CDIN1: variants seen among roughly 807,000 people sequenced by gnomAD.
The protein encoded by CDIN1 is CDAN1-interacting nuclease 1.
CDIN1 carries 33 observed loss-of-function variants against 45.3 expected under a neutral mutation model. The observed-to-expected ratio is 0.73, with a 90% CI of 0.55 to 0.97. The LOEUF (loss-of-function observed/expected upper bound fraction) is 0.97. Among genes scored for constraint, CDIN1 ranks in the 50% least tolerant of loss-of-function variants. The probability of loss-of-function intolerance (pLI) is 0.00; values close to 1 mark genes in which losing one functional copy is unlikely to be tolerated. For missense variants in CDIN1, 303 were observed against 339.4 expected (o/e 0.89, Z 0.84); for synonymous variants, 118 against 124.4 (o/e 0.95, Z 0.34).
chr15:36,790,763 G>GA (rs1170859795), intron 10 of CDIN1, among the ~76,000 whole-genome samples: 2 of 152,252 alleles, frequency 1.3e-5, no homozygotes, highest in Admixed American at 6.5e-5. Flanking sequence ...TTCCCTGGGA[G>GA]AAAAAACATA....
chr15:36,592,923 T>C (rs1457758995), intron 1 of CDIN1, among the ~76,000 whole-genome samples: 2 of 152,218 alleles, frequency 1.3e-5, no homozygotes, highest in Non-Finnish European at 2.9e-5. Flanking sequence ...CAGAAATTAT[T>C]TCTAGAAAAA....
chr15:36,805,089 G>A (rs192938376), intron 10 of CDIN1, among the ~76,000 whole-genome samples: 5 of 152,082 alleles, frequency 3.3e-5, no homozygotes, highest in Admixed American at 2.0e-4. Flanking sequence ...TTTTCAAGGC[G>A]TATTTGTTGT....
intron 10 of CDIN1, among the ~76,000 whole-genome samples, chr15:36,774,114 C>A (rs563424726): frequency 6.7e-6 from 1 of 149,178 alleles, no homozygotes; most frequent in South Asian, 2.1e-4. Context: ...CAGGCACCTG[C>A]CGGCAAGTAA....
intron 10 of CDIN1, among the ~76,000 whole-genome samples, chr15:36,804,163 G>GATAT (rs146634218): frequency 0.029 from 4,457 of 152,208 alleles, 223 homozygotes; most frequent in African/African-American, 0.1. Flanking sequence ...TAAGTGGTTC[G>GATAT]ATATATATAA....
chr15:36,746,962 C>T, intron 10 of CDIN1: 1 of 398,198 alleles, frequency 2.5e-6, no homozygotes, highest in Non-Finnish European at 4.4e-6. Context: ...GTTCCTCAGG[C>T]TGGTGTGGAA....
chr15:36,786,096 A>G (rs554480933), intron 10 of CDIN1, among the ~76,000 whole-genome samples: 6 of 152,346 alleles, frequency 3.9e-5, no homozygotes, highest in Non-Finnish European at 7.4e-5. Context: ...ACACTAAGAG[A>G]AAATGAAAGT....
At chr15:36,591,242 T>A (rs1175217744) in intron 1 of CDIN1, among the ~76,000 whole-genome samples, 1 of 152,180 alleles carries the variant, frequency 6.6e-6, no homozygotes, top group African/African-American at 2.4e-5. Context: ...TTAAAAAAAA[T>A]TTGTTTCTGT....
At chr15:36,800,873 G>GTGTA (rs1555410863) in intron 10 of CDIN1, among the ~76,000 whole-genome samples, 9 of 71,306 alleles carry the variant, frequency 1.3e-4, no homozygotes, top group African/African-American at 3.7e-4. Flanking sequence ...GTGTGTGTGT[G>GTGTA]TATATATGTG....
chr15:36,594,586 A>C (rs916180952), intron 1 of CDIN1, among the ~76,000 whole-genome samples: 14 of 152,216 alleles, frequency 9.2e-5, no homozygotes, highest in African/African-American at 3.1e-4. Flanking sequence ...ATATGACTTT[A>C]CCATGAAAAA....
chr15:36,795,938 T>A (rs1375699562), intron 10 of CDIN1, among the ~76,000 whole-genome samples: 1 of 152,160 alleles, frequency 6.6e-6, no homozygotes, highest in African/African-American at 2.4e-5. Context: ...CAAAGAAACA[T>A]CTTATCTAAT....
At chr15:36,793,626 C>T (rs2054706032) in intron 10 of CDIN1, among the ~76,000 whole-genome samples, 1 of 152,140 alleles carries the variant, frequency 6.6e-6, no homozygotes, top group Non-Finnish European at 1.5e-5. Context: ...TGGATCCAGC[C>T]CTGCAGTTTT....
chr15:36,653,323 G>A (rs180771995), intron 3 of CDIN1, among the ~76,000 whole-genome samples: 110 of 152,192 alleles, frequency 7.2e-4, no homozygotes, highest in African/African-American at 2.5e-3. Context: ...GATGAGGCTG[G>A]CAGAGTAGAG....
chr15:36,617,877 G>T, intron 1 of CDIN1: 1 of 774,262 alleles, frequency 1.3e-6, no homozygotes, highest in Non-Finnish European at 2.4e-6. Flanking sequence ...ACATTTCAGG[G>T]CAAGCCAATT....
intron 10 of CDIN1, among the ~76,000 whole-genome samples, chr15:36,796,198 CT>C (rs1450583718): frequency 6.6e-6 from 1 of 152,136 alleles, no homozygotes; most frequent in African/African-American, 2.4e-5. Context: ...TTAGATTCTA[CT>C]GTTGGGTGGG....
chr15:36,666,455 C>G (rs1332204815), intron 5 of CDIN1, among the ~76,000 whole-genome samples: 4 of 152,178 alleles, frequency 2.6e-5, no homozygotes, highest in African/African-American at 9.7e-5. Flanking sequence ...TTGCCCCTTC[C>G]CCTCACTATA....
chr15:36,599,797 A>C (rs2038012419), intron 1 of CDIN1, among the ~76,000 whole-genome samples: 1 of 152,238 alleles, frequency 6.6e-6, no homozygotes, highest in African/African-American at 2.4e-5. Flanking sequence ...TGCAGTGTAC[A>C]TAACACAGAT....
intron 10 of CDIN1, among the ~76,000 whole-genome samples, chr15:36,756,797 G>C (rs2053620376): frequency 6.6e-6 from 1 of 152,128 alleles, no homozygotes; most frequent in African/African-American, 2.4e-5. Flanking sequence ...TCTGACAAAT[G>C]ATGACAACTG....
chr15:36,733,544 A>G (rs1295033143), intron 10 of CDIN1, among the ~76,000 whole-genome samples: 1 of 152,120 alleles, frequency 6.6e-6, no homozygotes, highest in East Asian at 1.9e-4. Context: ...ACATACATTA[A>G]GACAATACAA....
chr15:36,723,789 T>C (rs1232029080), intron 10 of CDIN1, among the ~76,000 whole-genome samples: 4 of 152,224 alleles, frequency 2.6e-5, no homozygotes, highest in African/African-American at 7.2e-5. Flanking sequence ...GGCATAGATA[T>C]ACAGTTAAAT....
Sources: allele counts gnomAD v4.1 joint callset (sites outside exome capture counted in the v4.1 genomes callset), GRCh38; gene constraint gnomAD v4.1.1; transcripts MANE v1.5; gene names NCBI Gene and HGNC (gene_info 2026-07-23, HGNC 2026-07-21).